The following CNKSR3 variants were observed in gnomAD, a reference collection of about 807,000 sequenced individuals.
CNKSR3 encodes the protein CNKSR family member 3.
Under a neutral mutation model 67.7 loss-of-function variants are expected in CNKSR3, and 36 were observed. That is an observed-to-expected ratio of 0.53 (90% confidence interval 0.41 to 0.70). CNKSR3 has a LOEUF of 0.70. CNKSR3 is among the 30% of genes least tolerant of loss of function. The probability of loss-of-function intolerance (pLI) is 0.00; values close to 1 mark genes in which losing one functional copy is unlikely to be tolerated. For missense variants in CNKSR3, 630 were observed against 695.2 expected (o/e 0.91, Z 1.05); for synonymous variants, 281 against 271.4 (o/e 1.04, Z -0.35).
intron 2 of CNKSR3, among the ~76,000 whole-genome samples, chr6:154,448,481 C>T (rs1301259283): frequency 2.7e-5 from 4 of 149,620 alleles, no homozygotes; most frequent in Non-Finnish European, 5.9e-5. Context: ...AAACAGGATG[C>T]TTAGATGTCT....
intron 3 of CNKSR3, 79 bp from the exon 4 acceptor site, chr6:154,441,458 T>TTACCA: frequency 1.4e-5 from 14 of 989,366 alleles, no homozygotes; most frequent in African/African-American, 3.2e-5. Context: ...TAAGCATAGC[T>TTACCA]ACCCCATGGG....
chr6:154,510,140 G>C lies in CNKSR3; in HGVS notation c.-26C>G. ...GGTAAACCGCTTCGCCTCTCGCTGG[G>C]CTGGAGAGTCGCAGATAAAGTGCTG... On this transcript the variant is annotated 5_prime_UTR_variant, in exon 1 of 13. Coordinates refer to ENST00000607772, the MANE Select transcript of CNKSR3 (RefSeq NM_173515.4). 6.2e-7 allele frequency: 1 copy of C among 1,613,866 alleles called. No homozygotes were observed. Among genetic ancestry groups the C allele is most frequent in the Non-Finnish European group, 8.5e-7 (1 of 1,179,818 alleles).
At chr6:154,507,713 G>A (rs1415799533) in intron 1 of CNKSR3, among the ~76,000 whole-genome samples, 4 of 152,100 alleles carry the variant, frequency 2.6e-5, no homozygotes, top group Admixed American at 6.6e-5. Flanking sequence ...TTTGTATAAC[G>A]TAGTCAAGTG....
chr6:154,468,080 C>CTTTT (rs71021055), intron 1 of CNKSR3, among the ~76,000 whole-genome samples: 2 of 107,488 alleles, frequency 1.9e-5, no homozygotes, highest in Non-Finnish European at 3.4e-5. Flanking sequence ...TCTTTTTTTT[C>CTTTT]TTTTTTTTTT....
rs989409077 is a variant in CNKSR3, at chr6:154,401,850, C to G, written c.*4504G>C. ...AGTCTCATGCTTTGCTGGTGACATT[C>G]AAATGTCAGACAGATTTACTTACTC... is the stretch of plus-strand genomic sequence containing the variant. On this transcript the variant is annotated 3_prime_UTR_variant, in exon 13 of 13. Coordinates refer to ENST00000607772, the MANE Select transcript of CNKSR3 (RefSeq NM_173515.4). 6.6e-6 allele frequency: 1 copy of G among 152,132 alleles called. No homozygotes were observed. Among genetic ancestry groups the G allele is most frequent in the Non-Finnish European group, 1.5e-5 (1 of 68,034 alleles). 9.4% of individuals were successfully genotyped at this position (152,132 alleles called of 1,614,324 possible). A position where few individuals can be genotyped will look rare whatever the true frequency, so the allele number is the denominator to read the frequency against.
chr6:154,413,824 T>C (rs1784958471), intron 10 of CNKSR3, among the ~76,000 whole-genome samples: 1 of 152,154 alleles, frequency 6.6e-6, no homozygotes, highest in Non-Finnish European at 1.5e-5. Context: ...CTCTGCTCAC[T>C]GCAACCTCCA....
rs565927375 is a variant in CNKSR3 at position 154,414,624 on chromosome 6, C to T, written c.946-201G>A. ...AGAATGAGCTGAGGGATTTGAATGA[C>T]GATGTATAGTGGCAAGAAGCAGAGG... On this transcript the variant is annotated intron_variant, in intron 9 of 12. Coordinates refer to ENST00000607772, the MANE Select transcript of CNKSR3 (RefSeq NM_173515.4). 1.6e-4 allele frequency: 108 copies of T among 654,738 alleles called. 1 individual carries two copies. The highest frequency in any genetic ancestry group is 1.4e-3 in the South Asian group (93 of 67,668). 40.6% of individuals were successfully genotyped at this position (654,738 alleles called of 1,614,324 possible).
intron 10 of CNKSR3, among the ~76,000 whole-genome samples, chr6:154,412,488 G>A (rs1271042300): frequency 6.6e-6 from 1 of 152,276 alleles, no homozygotes; most frequent in East Asian, 1.9e-4. Flanking sequence ...AAGGGAGGGT[G>A]CCTTCCTCCA....
chr6:154,450,923 T>G (rs1785812822), intron 1 of CNKSR3, among the ~76,000 whole-genome samples: 1 of 152,216 alleles, frequency 6.6e-6, no homozygotes, highest in African/African-American at 2.4e-5. Flanking sequence ...CCCCCAATAA[T>G]ATCCTATATG....
At chr6:154,435,691 G>A (rs767002497) in intron 4 of CNKSR3, among the ~76,000 whole-genome samples, 20 of 152,190 alleles carry the variant, frequency 1.3e-4, no homozygotes, top group Non-Finnish European at 2.1e-4. Flanking sequence ...CCAAGTCACC[G>A]ACCCTCCCAG....
intron 12 of CNKSR3, among the ~76,000 whole-genome samples, chr6:154,407,258 C>G (rs1475678824): frequency 2.6e-5 from 4 of 152,178 alleles, no homozygotes; most frequent in Admixed American, 6.5e-5. Flanking sequence ...ACTGTTTATG[C>G]ATTGTTTAAT....
intron 12 of CNKSR3, among the ~76,000 whole-genome samples, chr6:154,410,090 C>CT (rs895240710): frequency 6.6e-6 from 1 of 152,078 alleles, no homozygotes; most frequent in African/African-American, 2.4e-5. Flanking sequence ...AGTCTATAGC[C>CT]TTTTTACAGC....
At chr6:154,449,984 G>T in intron 2 of CNKSR3, 111 bp downstream of exon 2, 1 of 1,035,916 alleles carries the variant, frequency 9.7e-7, no homozygotes, top group Non-Finnish European at 1.4e-6. Context: ...GTTTTATTTT[G>T]ATGGAGCATT....
At chr6:154,437,818 A>AT (rs2128716909) in intron 4 of CNKSR3, among the ~76,000 whole-genome samples, 1 of 152,368 alleles carries the variant, frequency 6.6e-6, no homozygotes, top group South Asian at 2.1e-4. Context: ...ATATATTTAC[A>AT]TATCAGTCTT....
At position 154,414,812 on chromosome 6, in the gene CNKSR3, G is replaced by A; in HGVS notation, c.946-389C>T. 3 of 480,786 alleles carry A rather than the reference G, an allele frequency of 6.2e-6. 1 individual carries two copies. In the Admixed American group the frequency reaches 6.9e-5, roughly 11 times the overall value. 29.8% of individuals were successfully genotyped at this position (480,786 alleles called of 1,614,324 possible). On this transcript the variant is annotated intron_variant, in intron 9 of 12. Coordinates refer to ENST00000607772, the MANE Select transcript of CNKSR3 (RefSeq NM_173515.4). ...TTAGTTCATGAAAATTACTAGCAAG[G>A]CTGGGCACGGCGGTTCTTGCCTGTT...
Position 154,442,083 on chromosome 6 carries a change from C to T in CNKSR3, c.419+5G>A, listed in dbSNP as rs1485955530. 1 of 1,597,948 alleles carries T rather than the reference C, an allele frequency of 6.3e-7. No individual in the cohort carries two copies. The highest frequency in any genetic ancestry group is 1.7e-5 in the Admixed American group (1 of 58,930). ...AGGGCAGTAAAAGGCACATCTCCAA[C>T]TTACCGGTCCAGCCACGCCAGCAGG... is the stretch of plus-strand genomic sequence containing the variant. On this transcript the variant is annotated splice_donor_5th_base_variant and intron_variant, in intron 3 of 12. Transcript: ENST00000607772.
intron 3 of CNKSR3, among the ~76,000 whole-genome samples, chr6:154,441,740 T>TAA (rs763503416): frequency 0.072 from 10,744 of 149,054 alleles, 468 homozygotes; most frequent in South Asian, 0.13. Context: ...AGGAATAGAT[T>TAA]AAAAACAAAA....
chr6:154,450,058 C>T (rs746274267), intron 2 of CNKSR3, 37 bp downstream of exon 2: 30 of 1,584,444 alleles, frequency 1.9e-5, no homozygotes, highest in African/African-American at 2.7e-5. Context: ...CTCTAAAGAA[C>T]GTCATCACGG....
intron 5 of CNKSR3, 84 bp from the exon 6 acceptor site, chr6:154,430,675 A>T (rs1785347550): frequency 7.5e-7 from 1 of 1,326,752 alleles, no homozygotes; most frequent in African/African-American, 1.5e-5. Context: ...AATGCATTTC[A>T]CCTATAATTG....
Sources: allele counts gnomAD v4.1 joint callset (sites outside exome capture counted in the v4.1 genomes callset), GRCh38; gene constraint gnomAD v4.1.1; transcripts MANE v1.5; gene names NCBI Gene and HGNC (gene_info 2026-07-23, HGNC 2026-07-21).